The following VSTM2A variants were observed in gnomAD, a reference collection of about 807,000 sequenced individuals.
VSTM2A encodes the protein V-set and transmembrane domain-containing protein 2A.
A neutral mutation model predicts 27.3 loss-of-function variants in VSTM2A; 13 were observed. That is an observed-to-expected ratio of 0.48 (90% CI 0.31 to 0.76). The LOEUF is 0.76. VSTM2A is among the 30% of genes least tolerant of loss of function. The pLI, the probability that VSTM2A is intolerant of heterozygous loss-of-function variation, is 0.05. For missense variants in VSTM2A, 280 were observed against 310.0 expected (o/e 0.90, Z 0.73); for synonymous variants, 142 against 125.7 (o/e 1.13, Z -0.87).
At chr7:54,550,912 A>T (rs2115823192) in intron 4 of VSTM2A, 1 of 152,388 alleles carries the variant, frequency 6.6e-6, no homozygotes, top group Admixed American at 6.5e-5. Flanking sequence ...AGTACCCTGC[A>T]CAACCCCGCG....
intron 3 of VSTM2A, 37 bp downstream of exon 3, chr7:54,547,034 C>G (rs754929263): frequency 1.3e-6 from 2 of 1,557,206 alleles, no homozygotes; most frequent in South Asian, 2.4e-5. Flanking sequence ...CGGGCCCAGG[C>G]TCGGGACGCA....
chr7:54,546,760 G>A, intron 2 of VSTM2A, 187 bp from the exon 3 acceptor site: 1 of 589,546 alleles, frequency 1.7e-6, no homozygotes, highest in Non-Finnish European at 2.9e-6. Context: ...GACAGCGTGG[G>A]GTATGCCAGG....
chr7:54,543,432 G>T (rs1038988772), intron 1 of VSTM2A, among the ~76,000 whole-genome samples: 6 of 152,130 alleles, frequency 3.9e-5, no homozygotes, highest in African/African-American at 1.4e-4. Flanking sequence ...TCTGCAAGCA[G>T]AAATGCCATA....
At chr7:54,560,955 C>T (rs950256497) in intron 4 of VSTM2A, among the ~76,000 whole-genome samples, 3 of 152,170 alleles carry the variant, frequency 2.0e-5, no homozygotes, top group Non-Finnish European at 2.9e-5. Flanking sequence ...GTTACAGACA[C>T]ACCCTGAGGA....
At chr7:54,549,188 C>T (rs948578752) in intron 3 of VSTM2A, among the ~76,000 whole-genome samples, 2 of 152,024 alleles carry the variant, frequency 1.3e-5, no homozygotes, top group Non-Finnish European at 2.9e-5. Flanking sequence ...TATAAAGTCC[C>T]TATAATGGCA....
intron 2 of VSTM2A, among the ~76,000 whole-genome samples, chr7:54,546,379 T>C (rs888382685): frequency 6.6e-6 from 1 of 150,638 alleles, no homozygotes; most frequent in Non-Finnish European, 1.5e-5. Context: ...GAGACCTAGT[T>C]GAGCGAGAGG....
chr7:54,550,202 A>G, intron 4 of VSTM2A, 32 bp downstream of exon 4: 3 of 1,563,590 alleles, frequency 1.9e-6, no homozygotes, highest in Non-Finnish European at 2.6e-6. Context: ...CTTTTATTTT[A>G]CCACTCACAA....
rs1383757653 is a variant in VSTM2A at position 54,544,770 on chromosome 7, C to G, written c.228C>G (p.Ala76=). The change falls in exon 2 of 5, where the codon GCC becomes GCG. Residue 76 remains alanine, a synonymous_variant. Transcript: ENST00000402613. The part of the protein sequence containing the change: ...LRGPEDLDPG[A]EGAGAQVELL... The stretch of plus-strand genomic sequence containing the variant: ...GGCCGGAGGACCTGGATCCCGGGGC[C>G]GAGGGGGCCGGCGCGCAGGTAGCGG... 3 of 1,609,192 alleles carry G rather than the reference C, an allele frequency of 1.9e-6. No homozygotes were observed. The highest frequency in any genetic ancestry group is 2.5e-6 in the Non-Finnish European group (3 of 1,178,270).
chr7:54,568,122 T>C (rs1262822608), intron 4 of VSTM2A, among the ~76,000 whole-genome samples: 2 of 152,188 alleles, frequency 1.3e-5, no homozygotes, highest in African/African-American at 4.8e-5. Flanking sequence ...AGAAATACAG[T>C]AATGTGAGTT....
intron 4 of VSTM2A, among the ~76,000 whole-genome samples, chr7:54,563,236 T>G (rs1252057739): frequency 1.3e-5 from 2 of 152,184 alleles, no homozygotes; most frequent in East Asian, 3.9e-4. Context: ...TTGTACCATC[T>G]TAGCTCTAGA....
rs770170540 is a variant in VSTM2A at position 54,544,838 on chromosome 7, AG to A, written c.246+53del. Reference sequence around the variant, plus strand: ...TCTCCCCTTCGCTCGCCCGGTCCTCAGGGTGTCCGGCCCGGGGCTGGGGGCC... The same window carrying A: ...TCTCCCCTTCGCTCGCCCGGTCCTCAGGTGTCCGGCCCGGGGCTGGGGGCC... On this transcript the variant is annotated intron_variant, in intron 2 of 4. Transcript: ENST00000402613. 3.9e-6 allele frequency: 6 copies of A among 1,534,854 alleles called. No homozygotes were observed. In the East Asian group the frequency reaches 1.5e-4, roughly 37 times the overall value.
chr7:54,546,809 G>A (rs1370810827), intron 2 of VSTM2A, 138 bp from the exon 3 acceptor site: 2 of 988,794 alleles, frequency 2.0e-6, no homozygotes, highest in Non-Finnish European at 2.9e-6. Flanking sequence ...CTGGACAGGG[G>A]TGGCCACGCC....
At position 54,545,047 on chromosome 7, in the gene VSTM2A, C is replaced by G. The variant is rs138862875; in HGVS notation, c.246+259C>G. On this transcript the variant is annotated intron_variant, in intron 2 of 4. Coordinates refer to ENST00000402613, the MANE Select transcript of VSTM2A (RefSeq NM_001301009.2). ...GCGCCTCCTCCTGTAAGTTCTGGTA[C>G]TTAGGCAGATGCCCGCCTTGCCCCT... is the stretch of plus-strand genomic sequence containing the variant. Among the ~76,000 whole-genome samples the G allele has an allele frequency of 5.3e-4, 81 of 152,330 alleles. No individual in the cohort carries two copies. In the East Asian group the frequency reaches 0.015, roughly 28 times the overall value.
intron 4 of VSTM2A, among the ~76,000 whole-genome samples, chr7:54,555,612 A>C (rs952717847): frequency 6.6e-6 from 1 of 152,136 alleles, no homozygotes; most frequent in East Asian, 1.9e-4. Context: ...TGTGCCTTGT[A>C]TTGTTGAACC....
rs532927684 is a variant in VSTM2A, at chr7:54,546,604, G to A, written c.247-343G>A. 4.8e-3 allele frequency: 708 copies of A among 148,616 alleles called. 7 individuals carry two copies. Among genetic ancestry groups the A allele is most frequent in the African/African-American group, 0.017 (665 of 39,326 alleles). 9.2% of individuals were successfully genotyped at this position (148,616 alleles called of 1,614,324 possible). A position where few individuals can be genotyped will look rare whatever the true frequency, so the allele number is the denominator to read the frequency against. On this transcript the variant is annotated intron_variant, in intron 2 of 4. Coordinates refer to ENST00000402613, the MANE Select transcript of VSTM2A (RefSeq NM_001301009.2). ...CCCACCTCCGGGCGCGCGTCCGCAC[G>A]GGTCAACCCGCGAAAAAGACCCGGC...
At position 54,549,905 on chromosome 7, in the gene VSTM2A, C is replaced by G. The variant is rs146897803; in HGVS notation, c.369C>G (p.Gly123=). Reference sequence around the variant, plus strand: ...CCAAAGTGAGGAAAAAGGATGAAGGCTTATATGAGTGCAGGGTGACTGATG... The same window carrying G: ...CCAAAGTGAGGAAAAAGGATGAAGGGTTATATGAGTGCAGGGTGACTGATG... ...QISKVRKKDE[G]LYECRVTDAN... is the part of the protein sequence containing the mutation. Residue 123 remains glycine (G), a synonymous_variant, in exon 4 of 5, where the codon GGC becomes GGG. Transcript: ENST00000402613. The G allele has an allele frequency of 9.9e-6, 16 of 1,613,868 alleles. No individual in the cohort carries two copies. The highest frequency in any genetic ancestry group is 1.3e-5 in the African/African-American group (1 of 75,020).
intron 4 of VSTM2A, chr7:54,557,405 C>G (rs1431013732): frequency 6.6e-6 from 1 of 151,450 alleles, no homozygotes; most frequent in Non-Finnish European, 1.5e-5. Context: ...GTGATCCCGG[C>G]TCACTACAGC....
intron 4 of VSTM2A, 75 bp downstream of exon 4, chr7:54,550,245 G>A: frequency 1.3e-6 from 2 of 1,540,036 alleles, no homozygotes; most frequent in Non-Finnish European, 1.8e-6. Context: ...GTATAGAGTA[G>A]ACAGATTTAT....
chr7:54,546,426 A>G (rs1787971496), intron 2 of VSTM2A, among the ~76,000 whole-genome samples: 1 of 151,928 alleles, frequency 6.6e-6, no homozygotes, highest in Admixed American at 6.5e-5. Flanking sequence ...ATCTGGGGCC[A>G]GGAGCGCGGG....
Sources: gnomAD v4.1 joint callset for allele counts (sites outside exome capture counted in the v4.1 genomes callset) on GRCh38, gnomAD v4.1.1 for gene constraint, MANE v1.5 for transcripts, NCBI Gene and HGNC (gene_info 2026-07-23, HGNC 2026-07-21) for gene names.